Variants in GRIA2 observed in about 807,000 individuals in gnomAD.
GRIA2 encodes glutamate receptor 2.
In GRIA2, 14 loss-of-function variants were observed where a neutral mutation model predicts 97.3. That is an observed-to-expected ratio of 0.14 (90% confidence interval 0.10 to 0.23). GRIA2 has a LOEUF of 0.23. GRIA2 is among the 10% of genes least tolerant of loss of function. The pLI, the probability that GRIA2 is intolerant of heterozygous loss-of-function variation, is 1.00. For synonymous variants in GRIA2, 412 were observed against 387.8 expected (o/e 1.06, Z -0.73); for missense variants, 558 against 1,069.8 (o/e 0.52, Z 6.67).
chr4:157,274,044 A>G (rs1732161105), intron 2 of GRIA2, among the ~76,000 whole-genome samples: 1 of 152,126 alleles, frequency 6.6e-6, no homozygotes. Flanking sequence ...GAAACCATGT[A>G]AACAAGAGGA....
chr4:157,353,899 C>A (rs1736131842), intron 12 of GRIA2, among the ~76,000 whole-genome samples: 1 of 151,926 alleles, frequency 6.6e-6, no homozygotes, highest in Admixed American at 6.6e-5. Flanking sequence ...AACTACTTTT[C>A]TTTAAACTAT....
intron 2 of GRIA2, among the ~76,000 whole-genome samples, chr4:157,301,486 G>T (rs1415120687): frequency 6.6e-6 from 1 of 152,152 alleles, no homozygotes; most frequent in Non-Finnish European, 1.5e-5. Flanking sequence ...GGTAATAAAG[G>T]ATGTGTAAAT....
intron 2 of GRIA2, among the ~76,000 whole-genome samples, chr4:157,231,822 TA>T (rs1272379658): frequency 2.0e-5 from 3 of 152,186 alleles, no homozygotes; most frequent in Non-Finnish European, 2.9e-5. Flanking sequence ...AAGTTGAAGA[TA>T]TTTTTTAAAA....
At position 157,240,955 on chromosome 4, in the gene GRIA2, C is replaced by T. The variant is rs1000338084; in HGVS notation, c.229+19148C>T. Among the ~76,000 whole-genome samples the T allele has an allele frequency of 4.9e-4, 74 of 150,934 alleles. 1 individual carries two copies. Among genetic ancestry groups the T allele is most frequent in the African/African-American group, 1.7e-3 (69 of 41,092 alleles). On this transcript the variant is annotated intron_variant, in intron 2 of 15. Coordinates refer to ENST00000264426, the MANE Select transcript of GRIA2 (RefSeq NM_001083619.3). ...GTTCCCACCTATGAGTGAGAATATG[C>T]GGTGTTTGGTTTTTTGTTCTTGCGA... is the stretch of plus-strand genomic sequence containing the variant.
At chr4:157,240,711 T>C (rs1267052212) in intron 2 of GRIA2, among the ~76,000 whole-genome samples, 2 of 152,138 alleles carry the variant, frequency 1.3e-5, no homozygotes, top group African/African-American at 4.8e-5. Context: ...TCTTTTTTTT[T>C]TTCTTTTATT....
At chr4:157,353,206 G>T (rs1049780054) in intron 12 of GRIA2, among the ~76,000 whole-genome samples, 1 of 151,554 alleles carries the variant, frequency 6.6e-6, no homozygotes, top group African/African-American at 2.4e-5. Context: ...TACAAAATTA[G>T]ACCAGCGTGG....
chr4:157,345,756 T>G (rs2126960594), intron 12 of GRIA2, among the ~76,000 whole-genome samples: 2 of 152,284 alleles, frequency 1.3e-5, no homozygotes, highest in Middle Eastern at 3.4e-3. Context: ...TTCCTTCTGG[T>G]TGTCTCCTCT....
intron 6 of GRIA2, among the ~76,000 whole-genome samples, chr4:157,327,011 A>G (rs1189823019): frequency 2.0e-5 from 3 of 152,104 alleles, no homozygotes; most frequent in Admixed American, 6.6e-5. Flanking sequence ...TGGCATGGGG[A>G]TGGAGGGAAA....
intron 2 of GRIA2, among the ~76,000 whole-genome samples, chr4:157,226,500 A>T (rs1050407328): frequency 8.5e-5 from 13 of 152,142 alleles, no homozygotes; most frequent in African/African-American, 2.6e-4. Context: ...TTCTAAAATT[A>T]TATTTTTTCA....
At chr4:157,284,633 C>T (rs1038187455) in intron 2 of GRIA2, among the ~76,000 whole-genome samples, 12 of 151,634 alleles carry the variant, frequency 7.9e-5, no homozygotes, top group African/African-American at 2.9e-4. Flanking sequence ...ATCTTTTCTA[C>T]AAATTCCACT....
chr4:157,333,978 T>C (rs1362753595), intron 8 of GRIA2, 32 bp from the exon 9 acceptor site: 1 of 974,456 alleles, frequency 1.0e-6, no homozygotes, highest in East Asian at 2.4e-5. Context: ...AAGTCATTTA[T>C]CCATACACCT....
At chr4:157,333,500 TC>T (rs1415093532) in intron 8 of GRIA2, 147 bp downstream of exon 8, 14 of 432,524 alleles carry the variant, frequency 3.2e-5, no homozygotes, top group Non-Finnish European at 5.5e-5. Context: ...AGTTTTTTTT[TC>T]CTAAAGTCTG....
Position 157,312,669 on chromosome 4 carries a change from G to T in GRIA2, c.470-10G>T. On this transcript the variant is annotated splice_polypyrimidine_tract_variant and intron_variant, in intron 3 of 15. Coordinates refer to ENST00000264426, the MANE Select transcript of GRIA2 (RefSeq NM_001083619.3). ...TCTTTATCAGTCATCATTTTTCTTT[G>T]CCTTCCTAGGCTTATCAACACTGCA... 1.3e-6 allele frequency: 2 copies of T among 1,500,070 alleles called. No homozygotes were observed. Among genetic ancestry groups the T allele is most frequent in the Non-Finnish European group, 1.8e-6 (2 of 1,113,116 alleles). The allele number at this position is 1,500,070 out of a possible 1,614,324, so 92.9% of individuals were successfully genotyped here.
chr4:157,353,601 G>T (rs189152625), intron 12 of GRIA2, among the ~76,000 whole-genome samples: 54 of 151,926 alleles, frequency 3.6e-4, no homozygotes, highest in Non-Finnish European at 6.5e-4. Flanking sequence ...GCATGAACCC[G>T]GGAGGTGGAG....
chr4:157,274,108 T>G (rs1209215696), intron 2 of GRIA2, among the ~76,000 whole-genome samples: 1 of 150,716 alleles, frequency 6.6e-6, no homozygotes. Context: ...TAGTGTAGAT[T>G]TATGTATTCT....
At chr4:157,332,646 A>T (rs1483862179) in intron 6 of GRIA2, among the ~76,000 whole-genome samples, 173 bp from the exon 7 acceptor site, 1 of 152,046 alleles carries the variant, frequency 6.6e-6, no homozygotes, top group African/African-American at 2.4e-5. Flanking sequence ...CATAGTCCCC[A>T]TGTTTTGTAA....
At chr4:157,302,168 C>T (rs1733644652) in intron 2 of GRIA2, among the ~76,000 whole-genome samples, 1 of 139,552 alleles carries the variant, frequency 7.2e-6, no homozygotes, top group Non-Finnish European at 1.5e-5. Context: ...ACGAGCAGGA[C>T]TGTGTCTCAA....
chr4:157,257,723 C>T (rs1162409681), intron 2 of GRIA2, among the ~76,000 whole-genome samples: 5 of 151,984 alleles, frequency 3.3e-5, no homozygotes, highest in African/African-American at 1.2e-4. Context: ...TTATCCAGCA[C>T]AATTGAAGAC....
intron 2 of GRIA2, among the ~76,000 whole-genome samples, chr4:157,280,024 C>G (rs557354786): frequency 1.3e-5 from 2 of 152,202 alleles, no homozygotes; most frequent in Non-Finnish European, 2.9e-5. Flanking sequence ...ACTGGGGAGG[C>G]TGAGACAGAA....
Sources: allele counts gnomAD v4.1 joint callset (sites outside exome capture counted in the v4.1 genomes callset), GRCh38; gene constraint gnomAD v4.1.1; transcripts MANE v1.5; gene names NCBI Gene and HGNC (gene_info 2026-07-23, HGNC 2026-07-21).